Variants in ERBB4 observed in about 807,000 individuals in gnomAD.
ERBB4 encodes the protein receptor tyrosine-protein kinase erbB-4.
In ERBB4, 42 loss-of-function variants were observed where a neutral mutation model predicts 158.0. The observed-to-expected ratio is 0.27, with a 90% CI of 0.21 to 0.34. The LOEUF (loss-of-function observed/expected upper bound fraction) is 0.34. Ranked by LOEUF, ERBB4 falls within the 10% of genes least tolerant of loss-of-function variation. The pLI is 1.00. For missense variants in ERBB4, 1,333 were observed against 1,624.1 expected (o/e 0.82, Z 3.08); for synonymous variants, 583 against 558.7 (o/e 1.04, Z -0.61).
At chr2:212,426,643 A>T (rs2091919559) in intron 1 of ERBB4, among the ~76,000 whole-genome samples, 1 of 152,106 alleles carries the variant, frequency 6.6e-6, no homozygotes, top group South Asian at 2.1e-4. Context: ...GGCATATATT[A>T]AACTTTAGTG....
intron 3 of ERBB4, among the ~76,000 whole-genome samples, chr2:211,875,992 G>A (rs896269635): frequency 6.6e-6 from 1 of 152,104 alleles, no homozygotes; most frequent in African/African-American, 2.4e-5. Context: ...ACAGGATAAT[G>A]AAATCACATA....
chr2:211,945,374 C>A (rs962778440), intron 3 of ERBB4, among the ~76,000 whole-genome samples: 1 of 152,066 alleles, frequency 6.6e-6, no homozygotes, highest in African/African-American at 2.4e-5. Context: ...TGGCACATAA[C>A]AACCACCTAA....
intron 3 of ERBB4, among the ~76,000 whole-genome samples, chr2:211,914,323 A>G (rs933105478): frequency 6.6e-5 from 10 of 152,062 alleles, no homozygotes; most frequent in African/African-American, 2.4e-4. Flanking sequence ...TCCACTGGTA[A>G]TTGAAGTAAA....
At chr2:211,884,656 C>A (rs1274183102) in intron 3 of ERBB4, among the ~76,000 whole-genome samples, 3 of 152,126 alleles carry the variant, frequency 2.0e-5, no homozygotes, top group Non-Finnish European at 4.4e-5. Context: ...ATTTCATTAT[C>A]CTCTGTCTGT....
At chr2:212,276,147 C>T (rs1390124801) in intron 1 of ERBB4, among the ~76,000 whole-genome samples, 3 of 151,712 alleles carry the variant, frequency 2.0e-5, no homozygotes, top group Non-Finnish European at 4.4e-5. Flanking sequence ...AAAGATTTTC[C>T]TTATCCTGTG....
intron 1 of ERBB4, among the ~76,000 whole-genome samples, chr2:212,439,719 C>A (rs570612458): frequency 1.3e-5 from 2 of 152,054 alleles, no homozygotes; most frequent in East Asian, 1.9e-4. Context: ...ATAAAAATAA[C>A]CAGAAACAGC....
At chr2:211,450,390 C>G (rs1446403973) in intron 20 of ERBB4, among the ~76,000 whole-genome samples, 1 of 152,078 alleles carries the variant, frequency 6.6e-6, no homozygotes, top group Non-Finnish European at 1.5e-5. Context: ...TGAGAAAAAT[C>G]TCATTGGCTA....
chr2:211,664,592 A>G (rs2071553736), intron 15 of ERBB4, among the ~76,000 whole-genome samples: 1 of 152,212 alleles, frequency 6.6e-6, no homozygotes, highest in Admixed American at 6.6e-5. Context: ...TTTCTTTTAC[A>G]GTTCAGTGCT....
At chr2:211,469,532 C>G (rs1574550902) in intron 20 of ERBB4, among the ~76,000 whole-genome samples, 1 of 152,210 alleles carries the variant, frequency 6.6e-6, no homozygotes, top group South Asian at 2.1e-4. Context: ...TATATGTATC[C>G]TCCTAGGTTT....
intron 4 of ERBB4, among the ~76,000 whole-genome samples, chr2:211,760,988 G>C (rs974989391): frequency 2.6e-5 from 4 of 151,932 alleles, no homozygotes; most frequent in Admixed American, 2.6e-4. Flanking sequence ...GGCGGATCAC[G>C]AGGTCAGGAG....
intron 26 of ERBB4, 107 bp from the exon 27 acceptor site, chr2:211,387,257 C>T: frequency 1.0e-6 from 1 of 971,162 alleles, no homozygotes; most frequent in Non-Finnish European, 1.7e-6. Context: ...AGAGAATAGT[C>T]ATAGTATTTA....
rs535845883 is a variant in ERBB4 at position 211,727,311 on chromosome 2, A to G, written c.623-2117T>C. ...ATTAACAGTGCTCATCAACTTAGAT[A>G]TTTCTATGGCACTTATACATTTGTA... On this transcript the variant is annotated intron_variant, in intron 5 of 27. Coordinates refer to ENST00000342788, the MANE Select transcript of ERBB4 (RefSeq NM_005235.3). Among the ~76,000 whole-genome samples, 7 of 152,236 alleles carry G rather than the reference A, an allele frequency of 4.6e-5. No individual in the cohort carries two copies. In the East Asian group the frequency reaches 7.7e-4, roughly 17 times the overall value.
At chr2:212,283,436 T>A (rs1183206838) in intron 1 of ERBB4, among the ~76,000 whole-genome samples, 1 of 151,980 alleles carries the variant, frequency 6.6e-6, no homozygotes, top group Non-Finnish European at 1.5e-5. Context: ...ATTGACAAAC[T>A]GAAAGGTTTG....
chr2:211,822,049 C>T (rs1443817630), intron 3 of ERBB4, among the ~76,000 whole-genome samples: 2 of 151,744 alleles, frequency 1.3e-5, no homozygotes, highest in Non-Finnish European at 2.9e-5. Flanking sequence ...AAGCCAGAAA[C>T]AGAAAGTTAA....
chr2:211,559,763 T>C (rs1482893504), intron 20 of ERBB4, among the ~76,000 whole-genome samples: 1 of 152,200 alleles, frequency 6.6e-6, no homozygotes, highest in East Asian at 1.9e-4. Context: ...CATTGTTTAC[T>C]CATACATACC....
chr2:212,150,682 T>G (rs2080837924), intron 1 of ERBB4, among the ~76,000 whole-genome samples: 1 of 152,190 alleles, frequency 6.6e-6, no homozygotes, highest in Non-Finnish European at 1.5e-5. Context: ...TTATCCATTA[T>G]TTTGCCAGAC....
intron 1 of ERBB4, among the ~76,000 whole-genome samples, chr2:212,304,935 T>G (rs10202508): frequency 0.074 from 11,162 of 151,242 alleles, 584 homozygotes; most frequent in African/African-American, 0.15. Flanking sequence ...TGTGTATGCG[T>G]ACATGTCTGT....
intron 2 of ERBB4, among the ~76,000 whole-genome samples, chr2:212,113,545 G>A (rs1277137689): frequency 8.5e-6 from 1 of 117,354 alleles, no homozygotes; most frequent in African/African-American, 3.3e-5. Flanking sequence ...CCGCACTCCA[G>A]CCTCAGTGAC....
rs538257326 is a variant in ERBB4 at position 212,033,556 on chromosome 2, T to C, written c.235-85940A>G. Among the ~76,000 whole-genome samples the C allele has an allele frequency of 2.6e-5, 4 of 152,022 alleles. No homozygotes were observed. The East Asian group carries it at 5.8e-4, about 22-fold the overall frequency. On this transcript the variant is annotated intron_variant, in intron 2 of 27. Transcript: ENST00000342788. The stretch of plus-strand genomic sequence containing the variant: ...TATGTAACCTTCATAATATGGTTCT[T>C]AAAATTTATAAAGTAACTGTATTTT...
Sources: gnomAD v4.1 joint callset for allele counts (sites outside exome capture counted in the v4.1 genomes callset) on GRCh38, gnomAD v4.1.1 for gene constraint, MANE v1.5 for transcripts, NCBI Gene and HGNC (gene_info 2026-07-23, HGNC 2026-07-21) for gene names.